NELL1: variants seen among roughly 807,000 people sequenced by gnomAD.
NELL1 encodes protein kinase C-binding protein NELL1.
Under a neutral mutation model 107.4 loss-of-function variants are expected in NELL1, and 76 were observed. That is an observed-to-expected ratio of 0.71 (90% confidence interval 0.59 to 0.86). The LOEUF is 0.86. NELL1 is among the 40% of genes least tolerant of loss of function. The pLI, the probability that NELL1 is intolerant of heterozygous loss-of-function variation, is 0.00. For synonymous variants in NELL1, 353 were observed against 341.2 expected, an observed-to-expected ratio of 1.03 and a Z score of -0.38; for missense variants, 1,024 against 1,005.5, an observed-to-expected ratio of 1.02 and a Z score of -0.25.
chr11:20,853,942 G>T (rs1848835204), intron 4 of NELL1, among the ~76,000 whole-genome samples: 1 of 152,122 alleles, frequency 6.6e-6, no homozygotes, highest in South Asian at 2.1e-4. Context: ...ATTTTTTGTT[G>T]ATCCTGGCAG....
intron 15 of NELL1, among the ~76,000 whole-genome samples, chr11:21,487,526 A>C (rs1854667950): frequency 1.3e-5 from 2 of 152,138 alleles, no homozygotes; most frequent in Non-Finnish European, 2.9e-5. Context: ...TGACAGGTAA[A>C]CCATACACAC....
chr11:21,286,601 G>C (rs1849121819), intron 14 of NELL1, among the ~76,000 whole-genome samples: 2 of 152,206 alleles, frequency 1.3e-5, no homozygotes, highest in African/African-American at 4.8e-5. Flanking sequence ...CAGTGGCCCA[G>C]TTGTTGGCTT....
Position 21,560,209 on chromosome 11 carries a change from A to G in NELL1, c.1807A>G (p.Arg603Gly), listed in dbSNP as rs759121105. 1 of 1,613,718 alleles carries G rather than the reference A, an allele frequency of 6.2e-7. No homozygotes were observed. Among genetic ancestry groups the G allele is most frequent in the East Asian group, 2.2e-5 (1 of 44,790 alleles). Residue 603 changes from arginine to glycine, a missense_variant, in exon 17 of 20, where the codon AGA becomes GGA. Transcript: ENST00000357134. ...TGCAGACATTGATGAATGTGCCTTA[A>G]GAACTCACACCTGTTGGAACGATTC... ...SCIDIDECAL[R>G]THTCWNDSAC...
intron 16 of NELL1, 58 bp from the exon 17 acceptor site, chr11:21,560,131 G>A (rs1020998439): frequency 5.9e-6 from 9 of 1,516,988 alleles, no homozygotes; most frequent in African/African-American, 5.5e-5. Context: ...AATGATGGTT[G>A]TTTGTTCTCT....
chr11:20,693,722 T>C (rs1854536054), intron 2 of NELL1, among the ~76,000 whole-genome samples: 1 of 152,136 alleles, frequency 6.6e-6, no homozygotes, highest in Non-Finnish European at 1.5e-5. Flanking sequence ...CTTAACATTT[T>C]TTCCTTCATT....
At chr11:20,795,922 C>T (rs186388595) in intron 3 of NELL1, among the ~76,000 whole-genome samples, 18 of 152,182 alleles carry the variant, frequency 1.2e-4, no homozygotes, top group South Asian at 2.1e-4. Flanking sequence ...GATGTTTGAG[C>T]GTTTGCAGTT....
intron 15 of NELL1, among the ~76,000 whole-genome samples, chr11:21,497,278 C>T (rs971746968): frequency 3.3e-5 from 5 of 151,966 alleles, no homozygotes; most frequent in Non-Finnish European, 7.4e-5. Flanking sequence ...GCACGTTGTG[C>T]ACATGTACCC....
chr11:21,146,197 A>G (rs1855974783), intron 13 of NELL1, among the ~76,000 whole-genome samples: 1 of 152,130 alleles, frequency 6.6e-6, no homozygotes, highest in African/African-American at 2.4e-5. Flanking sequence ...TATCAGTGCC[A>G]TTCTCTGCTC....
chr11:20,741,897 C>A (rs1855898979), intron 2 of NELL1, among the ~76,000 whole-genome samples: 1 of 152,160 alleles, frequency 6.6e-6, no homozygotes, highest in Non-Finnish European at 1.5e-5. Flanking sequence ...GCTTCTTAAA[C>A]TTTAATGTGT....
chr11:20,938,023 G>A (rs895779204), intron 10 of NELL1, among the ~76,000 whole-genome samples, 164 bp downstream of exon 10: 1 of 152,182 alleles, frequency 6.6e-6, no homozygotes, highest in South Asian at 2.1e-4. Context: ...ATCCAGCCAG[G>A]CCATTTATGT....
chr11:20,718,018 C>A (rs1175496278), intron 2 of NELL1, among the ~76,000 whole-genome samples: 3 of 152,172 alleles, frequency 2.0e-5, no homozygotes, highest in Non-Finnish European at 4.4e-5. Context: ...CCTTCTTGAG[C>A]TCATGCAGTT....
At chr11:20,737,428 T>C (rs1855787661) in intron 2 of NELL1, among the ~76,000 whole-genome samples, 1 of 152,160 alleles carries the variant, frequency 6.6e-6, no homozygotes, top group Non-Finnish European at 1.5e-5. Flanking sequence ...ACAATTATTA[T>C]AATTGATAAA....
chr11:20,815,324 G>A (rs1857600581), intron 3 of NELL1, among the ~76,000 whole-genome samples: 1 of 152,124 alleles, frequency 6.6e-6, no homozygotes, highest in Non-Finnish European at 1.5e-5. Context: ...GACCTCAGGT[G>A]ATCCACCCGC....
chr11:21,486,634 T>C (rs1427707429), intron 15 of NELL1, among the ~76,000 whole-genome samples: 6 of 151,992 alleles, frequency 3.9e-5, no homozygotes, highest in Admixed American at 3.9e-4. Context: ...CAATCAGAAA[T>C]TCATAAAATT....
chr11:20,922,092 C>T (rs1034201648), intron 7 of NELL1, among the ~76,000 whole-genome samples: 1 of 152,036 alleles, frequency 6.6e-6, no homozygotes, highest in African/African-American at 2.4e-5. Context: ...TTCACTCTAA[C>T]ACTGAGGGTA....
chr11:20,797,565 C>CAAAAAAAAAAAAAAAA (rs35016707), intron 3 of NELL1, among the ~76,000 whole-genome samples: 1 of 69,296 alleles, frequency 1.4e-5, no homozygotes, highest in African/African-American at 6.2e-5. Context: ...GACTCCATCT[C>CAAAAAAAAAAAAAAAA]AAAAAAAAAA....
At chr11:20,925,983 A>G (rs551399765) in intron 7 of NELL1, among the ~76,000 whole-genome samples, 2 of 152,330 alleles carry the variant, frequency 1.3e-5, no homozygotes, top group African/African-American at 2.4e-5. Flanking sequence ...TATGTCTAAA[A>G]TAGTGGCTCA....
chr11:20,730,931 G>A (rs977127742), intron 2 of NELL1, among the ~76,000 whole-genome samples: 1 of 152,226 alleles, frequency 6.6e-6, no homozygotes, highest in African/African-American at 2.4e-5. Flanking sequence ...ATCTGGATAT[G>A]TCTTGAATAA....
intron 15 of NELL1, among the ~76,000 whole-genome samples, chr11:21,375,879 T>C (rs903991987): frequency 3.5e-4 from 30 of 86,050 alleles, no homozygotes; most frequent in Non-Finnish European, 8.1e-4. Flanking sequence ...TGTTCATGTC[T>C]CTTGTCAATG....
Sources: gnomAD v4.1 joint callset for allele counts (sites outside exome capture counted in the v4.1 genomes callset) on GRCh38, gnomAD v4.1.1 for gene constraint, MANE v1.5 for transcripts, NCBI Gene and HGNC (gene_info 2026-07-23, HGNC 2026-07-21) for gene names.